Variants in CREM observed in about 807,000 individuals in gnomAD.
The protein encoded by CREM is cAMP responsive element modulator, also known as cAMP-responsive element modulator.
Under a neutral mutation model 37.3 loss-of-function variants are expected in CREM, and 13 were observed. The observed-to-expected ratio is 0.35, with a 90% CI of 0.23 to 0.55. The LOEUF is 0.55. CREM is among the 20% of genes least tolerant of loss of function. The pLI, the probability that CREM is intolerant of heterozygous loss-of-function variation, is 0.88. For synonymous variants in CREM, 124 were observed against 120.2 expected, an observed-to-expected ratio of 1.03 and a Z score of -0.21; for missense variants, 296 against 362.3, an observed-to-expected ratio of 0.82 and a Z score of 1.49.
intron 1 of CREM, among the ~76,000 whole-genome samples, chr10:35,135,037 CAA>C (rs1208451069): frequency 1.3e-4 from 13 of 103,770 alleles, no homozygotes; most frequent in Non-Finnish European, 8.3e-5. Flanking sequence ...GACTCAGTCT[CAA>C]AAAAAAAAAA....
intron 5 of CREM, among the ~76,000 whole-genome samples, chr10:35,180,812 C>G (rs1406385543): frequency 6.6e-6 from 1 of 152,226 alleles, no homozygotes; most frequent in Admixed American, 6.5e-5. Context: ...CTCGTCCCCC[C>G]GTCCCCAGAG....
chr10:35,146,882 T>A (rs1438866101), intron 2 of CREM, among the ~76,000 whole-genome samples: 1 of 152,112 alleles, frequency 6.6e-6, no homozygotes, highest in Non-Finnish European at 1.5e-5. Context: ...TGGTAACTAA[T>A]TAAATCTGGA....
intron 3 of CREM, among the ~76,000 whole-genome samples, chr10:35,155,871 C>T (rs1022402242): frequency 6.6e-5 from 10 of 151,462 alleles, no homozygotes; most frequent in African/African-American, 2.4e-4. Flanking sequence ...CCTTGTGATC[C>T]ACCCGCCTCA....
chr10:35,154,109 A>G (rs2136147742), intron 3 of CREM: 1 of 398,616 alleles, frequency 2.5e-6, no homozygotes, highest in Non-Finnish European at 4.4e-6. Context: ...CTGGCATGCC[A>G]TCGGGGATTG....
chr10:35,182,481 TTTTA>T lies in CREM; in HGVS notation c.409+3209_409+3212del, dbSNP rs1440317203. ...TGGATGGCTTTCTCCCAAACTTTGC[TTTTA>T]TTTCTTTTTTTCCAATATTTTATTA... On this transcript the variant is annotated intron_variant, in intron 5 of 7. Transcript: ENST00000685392. 2.6e-5 allele frequency among the ~76,000 whole-genome samples: 4 copies of T among 152,320 alleles called. No individual in the cohort carries two copies. In the South Asian group the frequency reaches 6.2e-4, roughly 24 times the overall value.
At chr10:35,149,401 A>T (rs943877046) in intron 3 of CREM, among the ~76,000 whole-genome samples, 7 of 152,114 alleles carry the variant, frequency 4.6e-5, no homozygotes, top group African/African-American at 1.7e-4. Flanking sequence ...CCAGCTGGTA[A>T]AGGTAAGTAG....
At chr10:35,202,345 G>T (rs961867326) in intron 6 of CREM, among the ~76,000 whole-genome samples, 3 of 152,130 alleles carry the variant, frequency 2.0e-5, no homozygotes, top group African/African-American at 7.2e-5. Context: ...AGCTAACTAA[G>T]ATAAATACTT....
chr10:35,198,726 A>G lies in CREM; in HGVS notation c.599-8169A>G, dbSNP rs573297384. Among the ~76,000 whole-genome samples the G allele has an allele frequency of 1.6e-3, 242 of 152,328 alleles. 1 individual carries two copies. Among genetic ancestry groups the G allele is most frequent in the Non-Finnish European group, 2.3e-3 (155 of 68,020 alleles). On this transcript the variant is annotated intron_variant, in intron 6 of 7. Transcript: ENST00000685392. ...TGGCTGGATTTCTGCATTGTTTAAA[A>G]CAAACTTTCCAACAAATTTGGAAAA...
intron 3 of CREM, chr10:35,175,786 T>C: frequency 6.2e-7 from 1 of 1,613,738 alleles, no homozygotes; most frequent in Non-Finnish European, 8.5e-7. Context: ...GTGGTATTAC[T>C]TAAAAATAGC....
chr10:35,160,793 TA>T (rs2093245011), intron 3 of CREM, among the ~76,000 whole-genome samples: 1 of 152,274 alleles, frequency 6.6e-6, no homozygotes, highest in Non-Finnish European at 1.5e-5. Context: ...TGAAATTTTT[TA>T]TTTTTTTTAT....
At chr10:35,130,364 A>C (rs1455400834) in intron 1 of CREM, among the ~76,000 whole-genome samples, 3 of 152,204 alleles carry the variant, frequency 2.0e-5, no homozygotes, top group Admixed American at 2.0e-4. Flanking sequence ...TGTTCTTAAG[A>C]ATAAATGCTT....
chr10:35,151,959 A>C (rs978248624), intron 3 of CREM, among the ~76,000 whole-genome samples: 1 of 152,234 alleles, frequency 6.6e-6, no homozygotes, highest in African/African-American at 2.4e-5. Context: ...TACAAGGAGT[A>C]GGAAATCAAG....
chr10:35,158,594 GC>G, intron 3 of CREM: 1 of 157,570 alleles, frequency 6.3e-6, no homozygotes, highest in Non-Finnish European at 1.4e-5. Context: ...GCCTTTGTCT[GC>G]AACATCCGGC....
chr10:35,158,795 A>AGT (rs1351562558), intron 3 of CREM, among the ~76,000 whole-genome samples: 55 of 139,004 alleles, frequency 4.0e-4, no homozygotes, highest in African/African-American at 1.4e-3. Context: ...TAGCAAATAT[A>AGT]GTGTTTTTTT....
chr10:35,133,628 C>T (rs1395303925), intron 1 of CREM, among the ~76,000 whole-genome samples: 2 of 152,202 alleles, frequency 1.3e-5, no homozygotes, highest in Non-Finnish European at 2.9e-5. Context: ...GCAGAAAAAG[C>T]AAAACTGTGT....
In CREM at chr10:35,182,080, T is replaced by G. The variant is rs991190960; in HGVS notation, c.409+2804T>G. 2.0e-5 allele frequency among the ~76,000 whole-genome samples: 3 copies of G among 152,300 alleles called. No homozygotes were observed. In the South Asian group the frequency reaches 6.2e-4, roughly 32 times the overall value. ...GAATTTCTTTTGTTAAAAATGCATT[T>G]TGGGGACATTTAGTGAAATATATGT... On this transcript the variant is annotated intron_variant, in intron 5 of 7. Coordinates refer to ENST00000685392, the MANE Select transcript of CREM (RefSeq NM_183011.2).
intron 2 of CREM, among the ~76,000 whole-genome samples, chr10:35,141,892 A>G (rs2091479504): frequency 6.6e-6 from 1 of 152,186 alleles, no homozygotes; most frequent in Non-Finnish European, 1.5e-5. Flanking sequence ...GAGAAGAGGA[A>G]AATGTAGTAT....
intron 3 of CREM, among the ~76,000 whole-genome samples, chr10:35,176,972 T>C (rs1395986073): frequency 6.6e-6 from 1 of 152,212 alleles, no homozygotes; most frequent in Admixed American, 6.5e-5. Flanking sequence ...TTATTAAATA[T>C]GCATTTTTTA....
At chr10:35,137,649 T>C (rs1048155412) in intron 1 of CREM, 133 bp from the exon 2 acceptor site, 1 of 349,098 alleles carries the variant, frequency 2.9e-6, no homozygotes, top group Admixed American at 5.1e-5. Context: ...ATTTTTTATT[T>C]TTAGTTTTAT....
Sources: gnomAD v4.1 joint callset for allele counts (sites outside exome capture counted in the v4.1 genomes callset) on GRCh38, gnomAD v4.1.1 for gene constraint, MANE v1.5 for transcripts, NCBI Gene and HGNC (gene_info 2026-07-23, HGNC 2026-07-21) for gene names.